Variants in SHANK2 observed in about 807,000 individuals in gnomAD.
SHANK2 encodes SH3 and multiple ankyrin repeat domains 2.
In SHANK2, 43 loss-of-function variants were observed where a neutral mutation model predicts 133.7. The ratio of observed to expected loss-of-function variants is 0.32; its 90% CI spans 0.25 to 0.41. The LOEUF (loss-of-function observed/expected upper bound fraction) is 0.41, where lower values mean the gene tolerates loss of function less well. SHANK2 is among the 10% of genes least tolerant of loss of function. The probability of loss-of-function intolerance (pLI) is 1.00; values close to 1 mark genes in which losing one functional copy is unlikely to be tolerated. For missense variants in SHANK2, 1,994 were observed against 2,235.8 expected, an observed-to-expected ratio of 0.89 and a Z score of 2.18; for synonymous variants, 1,017 against 952.8, an observed-to-expected ratio of 1.07 and a Z score of -1.24.
At chr11:70,727,359 G>A (rs1946199061) in intron 14 of SHANK2, among the ~76,000 whole-genome samples, 1 of 152,190 alleles carries the variant, frequency 6.6e-6, no homozygotes, top group Non-Finnish European at 1.5e-5. Flanking sequence ...CTATATTTGG[G>A]GTCTTTCTCC....
At chr11:71,098,704 A>T (rs1951668239) in intron 6 of SHANK2, among the ~76,000 whole-genome samples, 1 of 152,230 alleles carries the variant, frequency 6.6e-6, no homozygotes, top group Non-Finnish European at 1.5e-5. Flanking sequence ...GTGCAACCAC[A>T]TTGATAGAAA....
In SHANK2 at chr11:70,830,844, G is replaced by A. The variant is rs1286389276; in HGVS notation, c.1175-10162C>T. On this transcript the variant is annotated intron_variant, in intron 11 of 25. Transcript: ENST00000601538. This position sits in a 1 kb window ranked among gnomAD's most constrained non-coding sequence, Gnocchi z 4.4. ...CGCTAAGCTGCCCAGGGCCTGGGAA[G>A]GGTCAGACATCCCTGCTGCACCCAC... Among the ~76,000 whole-genome samples, 2 of 152,174 alleles carry A rather than the reference G, an allele frequency of 1.3e-5. No homozygotes were observed. The highest frequency in any genetic ancestry group is 1.9e-4 in the East Asian group (1 of 5,178).
intron 17 of SHANK2, among the ~76,000 whole-genome samples, chr11:70,543,855 AG>A (rs1194125400): frequency 6.6e-6 from 1 of 152,170 alleles, no homozygotes; most frequent in African/African-American, 2.4e-5. Context: ...CACACTCTCC[AG>A]GTGAGCAGTG....
intron 3 of SHANK2, among the ~76,000 whole-genome samples, chr11:71,124,411 G>A (rs1360996396): frequency 2.7e-5 from 4 of 150,880 alleles, no homozygotes; most frequent in Non-Finnish European, 4.4e-5. Context: ...TGATGACAGT[G>A]ATAATGATAA....
chr11:70,482,376 G>A (rs370332072), intron 25 of SHANK2, among the ~76,000 whole-genome samples: 26 of 152,222 alleles, frequency 1.7e-4, no homozygotes, highest in East Asian at 7.7e-4. Context: ...GACAGTCAGA[G>A]GCCTGAGAGC....
At chr11:71,065,993 AG>A (rs1951051940) in intron 9 of SHANK2, among the ~76,000 whole-genome samples, 1 of 7,558 alleles carries the variant, frequency 1.3e-4, no homozygotes, top group Non-Finnish European at 2.3e-4. Flanking sequence ...TTGGGAGGGG[AG>A]TACAGAACTC....
At chr11:71,089,592 C>T (rs1951470568) in intron 8 of SHANK2, among the ~76,000 whole-genome samples, 1 of 151,708 alleles carries the variant, frequency 6.6e-6, no homozygotes, top group Non-Finnish European at 1.5e-5. Context: ...CTGGGGCTCA[C>T]ACCCAGTAGA....
At chr11:70,914,879 C>T (rs1175640992) in intron 10 of SHANK2, among the ~76,000 whole-genome samples, 2 of 113,038 alleles carry the variant, frequency 1.8e-5, no homozygotes, top group African/African-American at 6.9e-5. Flanking sequence ...AGTCTGTTGA[C>T]AAAGCGAGAC....
intron 11 of SHANK2, among the ~76,000 whole-genome samples, chr11:70,893,225 G>A (rs1329782957): frequency 6.6e-6 from 1 of 152,196 alleles, no homozygotes; most frequent in Non-Finnish European, 1.5e-5. Flanking sequence ...CAGAAGTTGG[G>A]CAGCTTTCTT....
At chr11:70,604,473 T>C (rs4980542) in intron 17 of SHANK2, 74,185 of 152,408 alleles carry the variant, frequency 0.49, 18,329 homozygotes, top group East Asian at 0.66. Flanking sequence ...GAGGTGGTGC[T>C]GGTGCTCTGG....
intron 15 of SHANK2, among the ~76,000 whole-genome samples, chr11:70,678,776 T>C (rs1176314659): frequency 1.3e-5 from 2 of 151,730 alleles, no homozygotes; most frequent in South Asian, 2.1e-4. Context: ...TTCCTGACCT[T>C]GTGATCCGCC....
chr11:70,941,187 G>A (rs1217002876), intron 10 of SHANK2, among the ~76,000 whole-genome samples: 3 of 152,128 alleles, frequency 2.0e-5, no homozygotes, highest in African/African-American at 7.2e-5. Context: ...TGGCCCCTAT[G>A]TGTATACAGT....
Position 70,485,223 on chromosome 11 carries a change from TG to T in SHANK2, c.4979+90del. The T allele has an allele frequency of 9.1e-7, 1 of 1,097,022 alleles. No individual in the cohort carries two copies. The highest frequency in any genetic ancestry group is 1.4e-6 in the Non-Finnish European group (1 of 721,814). 68.0% of individuals were successfully genotyped at this position (1,097,022 alleles called of 1,614,324 possible). A position where few individuals can be genotyped will look rare whatever the true frequency, so the allele number is the denominator to read the frequency against. ...CAGGCTTTACGAATTCCCCTCTTCGTGTCCGCTGGGGCTGCTACCCGAGGGC... is the reference window on the plus strand; with the variant it reads ...CAGGCTTTACGAATTCCCCTCTTCGTTCCGCTGGGGCTGCTACCCGAGGGC... On this transcript the variant is annotated intron_variant, in intron 25 of 25. Coordinates refer to ENST00000601538, the MANE Select transcript of SHANK2 (RefSeq NM_012309.5). The surrounding 1 kb of genome is among the most constrained non-coding windows in gnomAD (Gnocchi z 5.8).
At chr11:70,702,153 A>G (rs1006372771) in intron 14 of SHANK2, among the ~76,000 whole-genome samples, 7 of 148,756 alleles carry the variant, frequency 4.7e-5, no homozygotes, top group Non-Finnish European at 7.4e-5. Context: ...CTTCTTCACC[A>G]TCATCACCAA....
chr11:70,832,878 G>A (rs921245043), intron 11 of SHANK2, among the ~76,000 whole-genome samples: 3 of 152,342 alleles, frequency 2.0e-5, no homozygotes, highest in East Asian at 3.9e-4. Flanking sequence ...CATCCTTAGC[G>A]TCCTCACTGC....
intron 17 of SHANK2, among the ~76,000 whole-genome samples, chr11:70,658,963 A>G (rs1448434800): frequency 6.6e-6 from 1 of 152,186 alleles, no homozygotes; most frequent in Middle Eastern, 3.2e-3. Context: ...CCCAACGAGG[A>G]CCATTCGAGT....
chr11:71,238,541 C>G (rs1207631140), intron 1 of SHANK2, among the ~76,000 whole-genome samples: 1 of 152,212 alleles, frequency 6.6e-6, no homozygotes. Flanking sequence ...CTTACTGAAG[C>G]AAGGAAAATG....
intron 17 of SHANK2, among the ~76,000 whole-genome samples, chr11:70,577,204 GAAGA>G (rs1309907080): frequency 6.6e-6 from 1 of 152,198 alleles, no homozygotes; most frequent in East Asian, 1.9e-4. Context: ...TGAGAGGAAG[GAAGA>G]GTGACTCAGA....
rs1565527375 is a variant in SHANK2, at chr11:70,486,014, G to T, written c.4279C>A (p.Arg1427=). The T allele has an allele frequency of 1.9e-6, 3 of 1,613,594 alleles. No homozygotes were observed. The highest frequency in any genetic ancestry group is 2.5e-6 in the Non-Finnish European group (3 of 1,179,888). ...GAGAGAGCCGGGACAGAAGCTGCCC[G>T]GTCATCGGGGATATCAAAACTATTT... ...FANSFDIPDD[R]AASVPALSDL... is the part of the protein sequence containing the mutation. Residue 1427 remains arginine (R), a synonymous_variant, in exon 25 of 26, where the codon CGG becomes AGG. Transcript: ENST00000601538. The surrounding 1 kb of genome is among the most constrained non-coding windows in gnomAD (Gnocchi z 8.0).
Sources: gnomAD v4.1 joint callset for allele counts (sites outside exome capture counted in the v4.1 genomes callset) on GRCh38, gnomAD v4.1.1 for gene constraint, Gnocchi (gnomAD v3.1) non-coding constraint, MANE v1.5 for transcripts, NCBI Gene and HGNC (gene_info 2026-07-23, HGNC 2026-07-21) for gene names.